Variants in ARPIN observed in about 807,000 individuals in gnomAD.
ARPIN encodes UPF0552 protein C15orf38.
ARPIN carries 23 observed loss-of-function variants against 25.9 expected under a neutral mutation model. The observed-to-expected ratio is 0.89, with a 90% CI of 0.64 to 1.26. The LOEUF (loss-of-function observed/expected upper bound fraction) is 1.26. Among genes scored for constraint, ARPIN ranks in the 50% most tolerant of loss-of-function variants. The pLI, the probability that ARPIN is intolerant of heterozygous loss-of-function variation, is 0.00. For synonymous variants in ARPIN, 126 were observed against 131.4 expected (o/e 0.96, Z 0.28); for missense variants, 333 against 312.2 (o/e 1.07, Z -0.50).
rs1896988344 is a variant in ARPIN, at chr15:89,899,709, A to G, written c.*2086T>C. On this transcript the variant is annotated 3_prime_UTR_variant, in exon 6 of 6. Transcript: ENST00000357484. Reference sequence around the variant, plus strand: ...CCAGGCAACTGCAGCAGTCTCCTAAAGGAGCAACTCGCCTCCAGCTGCTCG... The same window carrying G: ...CCAGGCAACTGCAGCAGTCTCCTAAGGGAGCAACTCGCCTCCAGCTGCTCG... 1.3e-5 allele frequency: 2 copies of G among 152,456 alleles called. No individual in the cohort carries two copies. The highest frequency in any genetic ancestry group is 4.8e-5 in the African/African-American group (2 of 41,404). 9.4% of individuals were successfully genotyped at this position (152,456 alleles called of 1,614,324 possible).
intron 1 of ARPIN, 50 bp from the exon 2 acceptor site, chr15:89,910,869 A>G (rs746848172): frequency 1.9e-6 from 3 of 1,605,942 alleles, no homozygotes; most frequent in Non-Finnish European, 2.6e-6. Flanking sequence ...AGTCCTCAGC[A>G]AATCTCACCC....
rs574625801 is a variant in ARPIN, at chr15:89,896,598, G to GT, written c.*5196dup. ...CACAAAACATCAACAGATATATAAA[G>GT]TTTTTTTATAAAAAGAATTATTTAA... On this transcript the variant is annotated 3_prime_UTR_variant, in exon 6 of 6. Coordinates refer to ENST00000357484, the MANE Select transcript of ARPIN (RefSeq NM_182616.4). 2 of 151,952 alleles carry GT rather than the reference G, an allele frequency of 1.3e-5. No homozygotes were observed. Among genetic ancestry groups the GT allele is most frequent in the African/African-American group, 2.4e-5 (1 of 41,364 alleles). 9.4% of individuals were successfully genotyped at this position (151,952 alleles called of 1,614,324 possible).
chr15:89,908,423 GCAGA>G lies in ARPIN; in HGVS notation c.169-15_169-12del, dbSNP rs757936941. The G allele has an allele frequency of 3.1e-6, 5 of 1,613,738 alleles. No homozygotes were observed. In the Admixed American group the frequency reaches 6.7e-5, roughly 22 times the overall value. On this transcript the variant is annotated splice_polypyrimidine_tract_variant and intron_variant, in intron 2 of 5. Coordinates refer to ENST00000357484, the MANE Select transcript of ARPIN (RefSeq NM_182616.4). ...CACGTAGTAGCGCTCCTGGGGCCAG[GCAGA>G]CAGAGAGTGAGGGGGCGGCTTCATC...
chr15:89,902,714 A>G, intron 5 of ARPIN: 1 of 412,602 alleles, frequency 2.4e-6, no homozygotes, highest in Non-Finnish European at 3.4e-6. Flanking sequence ...CCAAAAAAAG[A>G]GAAAAGAAAT....
intron 2 of ARPIN, among the ~76,000 whole-genome samples, chr15:89,909,662 G>A (rs1167823376): frequency 2.0e-5 from 3 of 152,224 alleles, no homozygotes; most frequent in South Asian, 2.1e-4. Context: ...TGGCAGCAGG[G>A]CAGGGATGAG....
In ARPIN at chr15:89,895,265, CG is replaced by C. The variant is rs1397465628; in HGVS notation, c.*6529del. ...ATCATGCTGGGAAAGATTTATGATA[CG>C]GAAGTGTTCATGACACCTGTTAAGC... On this transcript the variant is annotated 3_prime_UTR_variant, in exon 6 of 6. Coordinates refer to ENST00000357484, the MANE Select transcript of ARPIN (RefSeq NM_182616.4). 1.2e-4 allele frequency: 18 copies of C among 152,164 alleles called. No homozygotes were observed. In the East Asian group the frequency reaches 3.5e-3, roughly 29 times the overall value. The allele number at this position is 152,164 out of a possible 1,614,324, so 9.4% of individuals were successfully genotyped here.
intron 1 of ARPIN, chr15:89,912,479 G>C: frequency 8.0e-7 from 1 of 1,257,826 alleles, no homozygotes; most frequent in Non-Finnish European, 1.0e-6. Context: ...CCAGCCTTCG[G>C]AGACCTGTCT....
rs1181933201 is a variant in ARPIN at position 89,908,414 on chromosome 15, T to C, written c.169-2A>G. On this transcript the variant is annotated splice_acceptor_variant, in intron 2 of 5. Coordinates refer to ENST00000357484, the MANE Select transcript of ARPIN (RefSeq NM_182616.4). LOFTEE classifies it high-confidence loss of function. ...GATATACAGCACGTAGTAGCGCTCC[T>C]GGGGCCAGGCAGACAGAGAGTGAGG... 6.2e-7 allele frequency: 1 copy of C among 1,613,752 alleles called. No homozygotes were observed.
At chr15:89,910,608 T>G (rs1897205696) in intron 2 of ARPIN, 136 bp downstream of exon 2, 4 of 1,030,564 alleles carry the variant, frequency 3.9e-6, no homozygotes, top group Non-Finnish European at 5.7e-6. Context: ...TCTCCTGACC[T>G]ACTTCCCACT....
rs1162184712 is a variant in ARPIN at position 89,912,912 on chromosome 15, C to T, written c.-77G>A. On this transcript the variant is annotated 5_prime_UTR_variant, in exon 1 of 6. Transcript: ENST00000357484. ...GCGCGGCGCGGGAAGTGCTGCAGGACGCGCGGGGACCCGCGATTCCCAGCC... is the reference window on the plus strand; with the variant it reads ...GCGCGGCGCGGGAAGTGCTGCAGGATGCGCGGGGACCCGCGATTCCCAGCC... 2.1e-5 allele frequency: 30 copies of T among 1,416,302 alleles called. No homozygotes were observed. The highest frequency in any genetic ancestry group is 1.3e-4 in the Admixed American group (4 of 31,908). 87.7% of individuals were successfully genotyped at this position (1,416,302 alleles called of 1,614,324 possible). A position where few individuals can be genotyped will look rare whatever the true frequency, so the allele number is the denominator to read the frequency against.
rs1274229670 is a variant in ARPIN, at chr15:89,900,896, T to A, written c.*899A>T. On this transcript the variant is annotated 3_prime_UTR_variant, in exon 6 of 6. Coordinates refer to ENST00000357484, the MANE Select transcript of ARPIN (RefSeq NM_182616.4). ...AATTCCTTTCTGAAGATTTACTCAT[T>A]CATAAAAAGTTCTCCAGGTACAAAA... The A allele has an allele frequency of 2.3e-5, 2 of 88,644 alleles. No individual in the cohort carries two copies. The highest frequency in any genetic ancestry group is 7.8e-5 in the African/African-American group (2 of 25,520). 5.5% of individuals were successfully genotyped at this position (88,644 alleles called of 1,614,324 possible).
At position 89,912,926 on chromosome 15, in the gene ARPIN, C is replaced by CGGG; in HGVS notation, c.-92_-91insCCC. 1 of 1,392,856 alleles carries CGGG rather than the reference C, an allele frequency of 7.2e-7. No individual in the cohort carries two copies. Among genetic ancestry groups the CGGG allele is most frequent in the African/African-American group, 1.5e-5 (1 of 65,474 alleles). The allele number at this position is 1,392,856 out of a possible 1,614,324, so 86.3% of individuals were successfully genotyped here. On this transcript the variant is annotated 5_prime_UTR_variant, in exon 1 of 6. Transcript: ENST00000357484. ...GTGCTGCAGGACGCGCGGGGACCCG[C>CGGG]GATTCCCAGCCGGCGGATCCGGGAA...
intron 2 of ARPIN, 91 bp from the exon 3 acceptor site, chr15:89,908,503 C>A: frequency 6.4e-7 from 1 of 1,570,700 alleles, no homozygotes. Flanking sequence ...AACCTCACAT[C>A]TACCCTAGAA....
At position 89,912,925 on chromosome 15, in the gene ARPIN, G is replaced by T. The variant is rs1457095403; in HGVS notation, c.-90C>A. 3.6e-6 allele frequency: 5 copies of T among 1,390,514 alleles called. No individual in the cohort carries two copies. In the African/African-American group the frequency reaches 6.1e-5, roughly 17 times the overall value. 86.1% of individuals were successfully genotyped at this position (1,390,514 alleles called of 1,614,324 possible). ...AGTGCTGCAGGACGCGCGGGGACCCGCGATTCCCAGCCGGCGGATCCGGGA... is the reference window on the plus strand; with the variant it reads ...AGTGCTGCAGGACGCGCGGGGACCCTCGATTCCCAGCCGGCGGATCCGGGA... On this transcript the variant is annotated 5_prime_UTR_variant, in exon 1 of 6. Coordinates refer to ENST00000357484, the MANE Select transcript of ARPIN (RefSeq NM_182616.4).
rs1379698867 is a variant in ARPIN at position 89,897,762 on chromosome 15, A to G, written c.*4033T>C. ...TTTTTCCCCTTTAAATATATTTCCT[A>G]AATGCATTGCTATTTGTGGAGATTA... On this transcript the variant is annotated 3_prime_UTR_variant, in exon 6 of 6. Transcript: ENST00000357484. 1 of 152,142 alleles carries G rather than the reference A, an allele frequency of 6.6e-6. No homozygotes were observed. The highest frequency in any genetic ancestry group is 6.5e-5 in the Admixed American group (1 of 15,276). The allele number at this position is 152,142 out of a possible 1,614,324, so 9.4% of individuals were successfully genotyped here.
chr15:89,912,783 A>ACGCTCTGCAC lies in ARPIN; in HGVS notation c.43_52dup (p.Val18GlyfsTer59). 7 of 1,510,812 alleles carry ACGCTCTGCAC rather than the reference A, an allele frequency of 4.6e-6. No homozygotes were observed. In the South Asian group the frequency reaches 8.7e-5, roughly 19 times the overall value. The allele number at this position is 1,510,812 out of a possible 1,614,324, so 93.6% of individuals were successfully genotyped here. On this transcript the variant is annotated frameshift_variant, in exon 1 of 6. Coordinates refer to ENST00000357484, the MANE Select transcript of ARPIN (RefSeq NM_182616.4). LOFTEE classifies it high-confidence loss of function. ...GGGGTCCCAGGCCCCTGGCAGCCGG[A>ACGCTCTGCAC]CGCTCTGCACCGCCTTGTTCCGGAG... is the stretch of plus-strand genomic sequence containing the variant.
At chr15:89,912,663 T>TGA in intron 1 of ARPIN, 81 bp downstream of exon 1, 1 of 871,110 alleles carries the variant, frequency 1.1e-6, no homozygotes, top group East Asian at 1.0e-4. Context: ...CCCACCCGCA[T>TGA]CCCACCCCCC....
rs202041796 is a variant in ARPIN, at chr15:89,908,400, C to T, written c.181G>A (p.Val61Met). The T allele has an allele frequency of 9.9e-5, 159 of 1,613,906 alleles. No homozygotes were observed. Among genetic ancestry groups the T allele is most frequent in the Non-Finnish European group, 1.1e-4 (134 of 1,179,998 alleles). Residue 61 changes from valine to methionine, a missense_variant, in exon 3 of 6, where the codon GTG (valine) becomes ATG (methionine). By Grantham distance (21) the Val-to-Met change is conservative. Coordinates refer to ENST00000357484, the MANE Select transcript of ARPIN (RefSeq NM_182616.4). ...ATGTGACTGGGCCGGATATACAGCACGTAGTAGCGCTCCTGGGGCCAGGCA... is the reference window on the plus strand; with the variant it reads ...ATGTGACTGGGCCGGATATACAGCATGTAGTAGCGCTCCTGGGGCCAGGCA... ...DTHGRKERYY[V>M]LYIRPSHIHR...
chr15:89,903,173 G>C, intron 5 of ARPIN, 43 bp downstream of exon 5: 1 of 1,614,138 alleles, frequency 6.2e-7, no homozygotes, highest in Non-Finnish European at 8.5e-7. Context: ...TATGTACCAT[G>C]CTCCTGCCAG....
Sources: gnomAD v4.1 joint callset for allele counts (sites outside exome capture counted in the v4.1 genomes callset) on GRCh38, gnomAD v4.1.1 for gene constraint, MANE v1.5 for transcripts, NCBI Gene and HGNC (gene_info 2026-07-23, HGNC 2026-07-21) for gene names.